PDZD2: variants seen among roughly 807,000 people sequenced by gnomAD.
The protein encoded by PDZD2 is PDZ domain-containing protein 2.
Under a neutral mutation model 220.7 loss-of-function variants are expected in PDZD2, and 90 were observed. That is an observed-to-expected ratio of 0.41 (90% CI 0.34 to 0.49). The LOEUF (loss-of-function observed/expected upper bound fraction) is 0.49, where lower values mean the gene tolerates loss of function less well. Among genes scored for constraint, PDZD2 ranks in the 20% least tolerant of loss-of-function variants. The probability of loss-of-function intolerance (pLI) is 0.28; values close to 1 mark genes in which losing one functional copy is unlikely to be tolerated. For missense variants in PDZD2, 3,174 were observed against 3,608.5 expected, an observed-to-expected ratio of 0.88 and a Z score of 3.08; for synonymous variants, 1,375 against 1,450.5, an observed-to-expected ratio of 0.95 and a Z score of 1.18.
intron 2 of PDZD2, among the ~76,000 whole-genome samples, chr5:31,844,387 G>A (rs559711629): frequency 6.6e-6 from 1 of 152,298 alleles, no homozygotes; most frequent in African/African-American, 2.4e-5. Context: ...CCATCAGAGT[G>A]AGAAACAGAG....
intron 2 of PDZD2, among the ~76,000 whole-genome samples, chr5:31,946,078 C>T (rs1187587126): frequency 1.3e-5 from 2 of 152,248 alleles, no homozygotes. Flanking sequence ...TCCCGGCGCA[C>T]TGCAACCTCT....
Position 31,654,900 on chromosome 5 carries a change from A to G in PDZD2, c.-361+15463A>G, listed in dbSNP as rs538799462. Among the ~76,000 whole-genome samples the G allele has an allele frequency of 2.8e-4, 42 of 152,206 alleles. No individual in the cohort carries two copies. The South Asian group carries it at 6.9e-3, about 25-fold the overall frequency. On this transcript the variant is annotated intron_variant, in intron 1 of 24. Transcript: ENST00000438447. ...ACTCAGAGGAAAAGTAAAACTCATT[A>G]CATAGCCCACCAGACCCTTGGTGGG...
rs1033912938 is a variant in PDZD2 at position 31,995,870 on chromosome 5, G to C, written c.1121+152G>C. On this transcript the variant is annotated intron_variant, in intron 4 of 24. Coordinates refer to ENST00000438447, the MANE Select transcript of PDZD2 (RefSeq NM_178140.4). Reference sequence around the variant, plus strand: ...TGGAGCACAGGAGGAAACCAGGCAAGAGTGGTTCGAATTGAACACACCTCT... The same window carrying C: ...TGGAGCACAGGAGGAAACCAGGCAACAGTGGTTCGAATTGAACACACCTCT... 1.5e-5 allele frequency: 11 copies of C among 716,226 alleles called. No homozygotes were observed. In the Middle Eastern group the frequency reaches 1.6e-3, roughly 105 times the overall value. 44.4% of individuals were successfully genotyped at this position (716,226 alleles called of 1,614,324 possible). A position where few individuals can be genotyped will look rare whatever the true frequency, so the allele number is the denominator to read the frequency against.
At chr5:31,936,419 G>T in intron 2 of PDZD2, 1 of 833,270 alleles carries the variant, frequency 1.2e-6, no homozygotes, top group Non-Finnish European at 1.4e-6. Flanking sequence ...TCTTCCAAGG[G>T]TTTATTATTT....
intron 2 of PDZD2, among the ~76,000 whole-genome samples, chr5:31,958,471 G>A (rs1156393406): frequency 1.3e-5 from 2 of 151,858 alleles, no homozygotes; most frequent in Non-Finnish European, 2.9e-5. Flanking sequence ...CCAGGCTGGT[G>A]TCGAACTCCT....
chr5:31,667,855 C>CT (rs561833214), intron 1 of PDZD2, among the ~76,000 whole-genome samples: 4,933 of 78,036 alleles, frequency 0.063, 171 homozygotes, highest in African/African-American at 0.11. Context: ...TTTTTTTTTC[C>CT]TTTTTTTTTT....
rs537962430 is a variant in PDZD2 at position 31,888,880 on chromosome 5, T to C, written c.476+89156T>C. On this transcript the variant is annotated intron_variant, in intron 2 of 24. Coordinates refer to ENST00000438447, the MANE Select transcript of PDZD2 (RefSeq NM_178140.4). Reference sequence around the variant, plus strand: ...TCGGGAGAGTGGTCCCATTCGATAATGGGAAAAACTCATGTTGGATGGAAT... The same window carrying C: ...TCGGGAGAGTGGTCCCATTCGATAACGGGAAAAACTCATGTTGGATGGAAT... Among the ~76,000 whole-genome samples the C allele has an allele frequency of 6.4e-4, 98 of 152,198 alleles. 2 individuals are homozygous for C. The South Asian group carries it at 0.015, about 23-fold the overall frequency.
chr5:32,056,410 C>T (rs560484592), intron 10 of PDZD2, among the ~76,000 whole-genome samples: 103 of 152,254 alleles, frequency 6.8e-4, no homozygotes, highest in Middle Eastern at 3.4e-3. Context: ...TTCTTATAGG[C>T]GTACAGAGTC....
chr5:31,834,480 T>C (rs985105773), intron 2 of PDZD2, among the ~76,000 whole-genome samples: 1 of 152,204 alleles, frequency 6.6e-6, no homozygotes, highest in Non-Finnish European at 1.5e-5. Context: ...AAATTTGAAC[T>C]ATGCAACAGA....
chr5:32,058,248 G>A, intron 12 of PDZD2, 145 bp downstream of exon 12: 2 of 624,030 alleles, frequency 3.2e-6, no homozygotes, highest in South Asian at 3.9e-5. Context: ...GCATGGGACA[G>A]TGAGGTCAGG....
rs79039272 is a variant in PDZD2, at chr5:31,775,336, G to GA, written c.-360-23540dup. 9.1e-3 allele frequency among the ~76,000 whole-genome samples: 1,271 copies of GA among 139,068 alleles called. 13 individuals carry two copies. The highest frequency in any genetic ancestry group is 0.029 in the African/African-American group (1,124 of 38,346). 91.2% of individuals were successfully genotyped at this position (139,068 alleles called of 152,430 possible). On this transcript the variant is annotated intron_variant, in intron 1 of 24. Coordinates refer to ENST00000438447, the MANE Select transcript of PDZD2 (RefSeq NM_178140.4). Reference sequence around the variant, plus strand: ...AGGTGGCTGGAATAGAGATGTAATTGAAAAAAAAAAAAAGATTAATGTGAT... The same window carrying GA: ...AGGTGGCTGGAATAGAGATGTAATTGAAAAAAAAAAAAAAGATTAATGTGAT...
chr5:31,725,599 C>G, intron 1 of PDZD2: 2 of 1,493,840 alleles, frequency 1.3e-6, no homozygotes, highest in Non-Finnish European at 1.9e-6. Context: ...AGACTATGAT[C>G]TTGACTGAGA....
chr5:31,870,227 A>G (rs1303681853), intron 2 of PDZD2, among the ~76,000 whole-genome samples: 1 of 152,148 alleles, frequency 6.6e-6, no homozygotes, highest in Non-Finnish European at 1.5e-5. Context: ...GAAAATGTGG[A>G]AAATAAGTTA....
At chr5:31,890,032 A>C (rs1740870028) in intron 2 of PDZD2, among the ~76,000 whole-genome samples, 1 of 150,242 alleles carries the variant, frequency 6.7e-6, no homozygotes, top group African/African-American at 2.4e-5. Flanking sequence ...CCCCTCCAAA[A>C]GCAAAAACAA....
intron 2 of PDZD2, among the ~76,000 whole-genome samples, chr5:31,829,822 G>A (rs62348970): frequency 6.6e-6 from 1 of 151,970 alleles, no homozygotes; most frequent in Non-Finnish European, 1.5e-5. Flanking sequence ...GGAAGCCAAG[G>A]TGAGTGGATC....
At chr5:32,035,901 A>G (rs1755500970) in intron 6 of PDZD2, among the ~76,000 whole-genome samples, 1 of 152,196 alleles carries the variant, frequency 6.6e-6, no homozygotes, top group Non-Finnish European at 1.5e-5. Flanking sequence ...CTTTAAGAGA[A>G]GCCAGGAATC....
chr5:31,851,757 G>A (rs565854155), intron 2 of PDZD2, among the ~76,000 whole-genome samples: 7 of 152,290 alleles, frequency 4.6e-5, no homozygotes, highest in African/African-American at 1.7e-4. Context: ...CCTCAGTTAG[G>A]GAAAAGACGC....
At chr5:32,080,834 C>G (rs1034702835) in intron 19 of PDZD2, among the ~76,000 whole-genome samples, 1 of 152,112 alleles carries the variant, frequency 6.6e-6, no homozygotes, top group Admixed American at 6.6e-5. Context: ...AAACCAAACA[C>G]CACATGTTCT....
At chr5:31,946,518 GC>G (rs1746649849) in intron 2 of PDZD2, among the ~76,000 whole-genome samples, 1 of 152,054 alleles carries the variant, frequency 6.6e-6, no homozygotes, top group Non-Finnish European at 1.5e-5. Context: ...TGTGCTCCCC[GC>G]CGCCATGTCA....
Sources: allele counts gnomAD v4.1 joint callset (sites outside exome capture counted in the v4.1 genomes callset), GRCh38; gene constraint gnomAD v4.1.1; transcripts MANE v1.5; gene names NCBI Gene and HGNC (gene_info 2026-07-23, HGNC 2026-07-21).